Variants in LRIT2 observed in about 807,000 individuals in gnomAD.
LRIT2 encodes leucine rich repeat, Ig-like and transmembrane domains 2.
LRIT2 carries 23 observed loss-of-function variants against 22.4 expected under a neutral mutation model. The observed-to-expected ratio is 1.03, with a 90% CI of 0.74 to 1.45. The LOEUF (loss-of-function observed/expected upper bound fraction) is 1.45, where lower values mean the gene tolerates loss of function less well. Ranked by LOEUF, LRIT2 falls within the 40% of genes most tolerant of loss-of-function variation. LRIT2 has a pLI of 0.00. For synonymous variants in LRIT2, 291 were observed against 267.1 expected, an observed-to-expected ratio of 1.09 and a Z score of -0.87; for missense variants, 784 against 665.6, an observed-to-expected ratio of 1.18 and a Z score of -1.96.
rs956624811 is a variant in LRIT2, at chr10:84,222,527, G to A, written c.1046C>T (p.Ala349Val). The change falls in exon 3 of 3, where the codon GCC becomes GTC. Residue 349 changes from alanine (A) to valine (V), a missense_variant. Transcript: ENST00000372113. ...GGAAAGAGAATCAGGTGCATGTAGG[G>A]CCTGGGCAGGCTGGACATGGAGAGA... ...VISLHVQPAQALHAPDSLSIP... is the reference protein window; with the variant it reads ...VISLHVQPAQVLHAPDSLSIP... The A allele has an allele frequency of 1.2e-6, 2 of 1,614,042 alleles. No individual in the cohort carries two copies. Among genetic ancestry groups the A allele is most frequent in the Admixed American group, 1.7e-5 (1 of 60,012 alleles).
At chr10:84,223,807 G>C (rs1447392375) in intron 2 of LRIT2, among the ~76,000 whole-genome samples, 1 of 152,132 alleles carries the variant, frequency 6.6e-6, no homozygotes, top group African/African-American at 2.4e-5. Flanking sequence ...GCCCACAGAG[G>C]TCACTTCCTT....
In LRIT2 at chr10:84,224,850, G is replaced by A. The variant is rs1262647647; in HGVS notation, c.375C>T (p.Ala125=). The A allele has an allele frequency of 6.2e-7, 1 of 1,614,110 alleles. No individual in the cohort carries two copies. Among genetic ancestry groups the A allele is most frequent in the Admixed American group, 1.7e-5 (1 of 60,014 alleles). The stretch of plus-strand genomic sequence containing the variant: ...GATCCAAGACCCTCAGGAGAGGGGT[G>A]GCACGGAACGCTGTCCATGGTACTG... The part of the protein sequence containing the change: ...LCSVPWTAFR[A]TPLLRVLDLK... Residue 125 remains alanine (A), a synonymous_variant, in exon 2 of 3, where the codon GCC becomes GCT. Coordinates refer to ENST00000372113, the MANE Select transcript of LRIT2 (RefSeq NM_001017924.5).
chr10:84,222,393 A>G lies in LRIT2; in HGVS notation c.1180T>C (p.Phe394Leu). 1 of 1,613,972 alleles carries G rather than the reference A, an allele frequency of 6.2e-7. No homozygotes were observed. Among genetic ancestry groups the G allele is most frequent in the Non-Finnish European group, 8.5e-7 (1 of 1,179,996 alleles). Reference protein sequence around the residue: ...AVADTSKEEWFTLYIASDEAF... With the variant: ...AVADTSKEEWLTLYIASDEAF... ...TCATCCGATGCAATGTAGAGGGTGA[A>G]CCACTCCTCCTTAGAGGTGTCAGCC... Residue 394 changes from phenylalanine (F) to leucine (L), a missense_variant, in exon 3 of 3, where the codon TTC becomes CTC. Physicochemically the swap from Phe to Leu is conservative, Grantham distance 22. Coordinates refer to ENST00000372113, the MANE Select transcript of LRIT2 (RefSeq NM_001017924.5).
rs778621475 is a variant in LRIT2, at chr10:84,222,323, G to A, written c.1250C>T (p.Thr417Ile). Reference sequence around the variant, plus strand: ...AGGAAGGAGGTCATCCACAGCATAAGTATTGATTCCGGGGCCAATGTGAAC... The same window carrying A: ...AGGAAGGAGGTCATCCACAGCATAAATATTGATTCCGGGGCCAATGTGAAC... ...EVVHIGPGIN[T>I]YAVDDLLPGT... Residue 417 changes from threonine to isoleucine, a missense_variant, in exon 3 of 3, where the codon ACT (threonine) becomes ATT (isoleucine). By Grantham distance (89) the Thr-to-Ile change is moderately conservative. Coordinates refer to ENST00000372113, the MANE Select transcript of LRIT2 (RefSeq NM_001017924.5). The A allele has an allele frequency of 2.5e-6, 4 of 1,614,210 alleles. No individual in the cohort carries two copies. The highest frequency in any genetic ancestry group is 3.4e-6 in the Non-Finnish European group (4 of 1,180,046).
At position 84,224,376 on chromosome 10, in the gene LRIT2, G is replaced by A; in HGVS notation, c.849C>T (p.Ser283=). ...RCLAQASPSP[S]IAWTYPLSMW... is the part of the protein sequence containing the mutation. ...TACTCAGGGGATAAGTCCATGCAATGGATGGTGAGGGGCTGGCCTGTGCCA... is the reference window on the plus strand; with the variant it reads ...TACTCAGGGGATAAGTCCATGCAATAGATGGTGAGGGGCTGGCCTGTGCCA... Residue 283 remains serine (S), a synonymous_variant, in exon 2 of 3, where the codon TCC becomes TCT. Transcript: ENST00000372113. 2 of 1,614,150 alleles carry A rather than the reference G, an allele frequency of 1.2e-6. No individual in the cohort carries two copies. Among genetic ancestry groups the A allele is most frequent in the Non-Finnish European group, 1.7e-6 (2 of 1,180,030 alleles).
In LRIT2 at chr10:84,222,014, G is replaced by T. The variant is rs947932172; in HGVS notation, c.1559C>A (p.Ser520Tyr). The T allele has an allele frequency of 6.2e-7, 1 of 1,607,368 alleles. No homozygotes were observed. Among genetic ancestry groups the T allele is most frequent in the South Asian group, 1.1e-5 (1 of 90,146 alleles). Residue 520 changes from serine (S) to tyrosine (Y), a missense_variant, in exon 3 of 3, where the codon TCC (serine) becomes TAC (tyrosine). Coordinates refer to ENST00000372113, the MANE Select transcript of LRIT2 (RefSeq NM_001017924.5). ...TPAAPQSKDG[S>Y]FREHPAVCDD... ...ACAGACAGCTGGATGTTCTCTAAAG[G>T]AGCCATCCTTGGACTGCGGGGCTGC...
At chr10:84,223,188 G>T (rs1037555038) in intron 2 of LRIT2, among the ~76,000 whole-genome samples, 2 of 152,206 alleles carry the variant, frequency 1.3e-5, no homozygotes, top group Non-Finnish European at 2.9e-5. Flanking sequence ...CTCCTATCCA[G>T]TGTGGTACTG....
At position 84,224,448 on chromosome 10, in the gene LRIT2, A is replaced by T. The variant is rs1323725812; in HGVS notation, c.777T>A (p.Ser259Arg). The part of the protein sequence containing the change: ...ACMKPQISTP[S>R]ANITIRAGQN... ...GTCCTGCCCGGATGGTGATATTGGC[A>T]CTGGGGGTTGAGATCTGTGGCTTCA... The change falls in exon 2 of 3, where the codon AGT (serine) becomes AGA (arginine). Residue 259 changes from serine (S) to arginine (R), a missense_variant. Coordinates refer to ENST00000372113, the MANE Select transcript of LRIT2 (RefSeq NM_001017924.5). The T allele has an allele frequency of 6.2e-7, 1 of 1,614,234 alleles. No homozygotes were observed. The highest frequency in any genetic ancestry group is 8.5e-7 in the Non-Finnish European group (1 of 1,180,038).
chr10:84,221,973 G>GTT lies in LRIT2; in HGVS notation c.1599_1600insAA (p.His534AsnfsTer3). 6.4e-7 allele frequency: 1 copy of GTT among 1,570,428 alleles called. No homozygotes were observed. The highest frequency in any genetic ancestry group is 1.2e-5 in the South Asian group (1 of 84,578). On this transcript the variant is annotated frameshift_variant, in exon 3 of 3. Transcript: ENST00000372113. LOFTEE classifies it low-confidence loss of function (END_TRUNC). Reference sequence around the variant, plus strand: ...TCCTTGTCCCCCTCAGTGTCTATGTGCCCTTCACCGTCATCACAGACAGCT... The same window carrying GTT: ...TCCTTGTCCCCCTCAGTGTCTATGTGTTCCCTTCACCGTCATCACAGACAGCT...
At chr10:84,222,805 G>T in intron 2 of LRIT2, 125 bp from the exon 3 acceptor site, 1 of 1,156,376 alleles carries the variant, frequency 8.6e-7, no homozygotes, top group Non-Finnish European at 1.3e-6. Context: ...GAAGATGGTG[G>T]TAACCTCTTA....
rs990375069 is a variant in LRIT2 at position 84,221,915 on chromosome 10, G to A, written c.*5C>T. On this transcript the variant is annotated 3_prime_UTR_variant, in exon 3 of 3. Transcript: ENST00000372113. ...AAGCCGTTTCCACCCCATGGCCTGG[G>A]TTGTTCAGCTGTTGTCTTCCGTTCC... 1 of 1,519,960 alleles carries A rather than the reference G, an allele frequency of 6.6e-7. No individual in the cohort carries two copies. The highest frequency in any genetic ancestry group is 1.3e-5 in the South Asian group (1 of 76,174). The allele number at this position is 1,519,960 out of a possible 1,614,324, so 94.2% of individuals were successfully genotyped here. A position where few individuals can be genotyped will look rare whatever the true frequency, so the allele number is the denominator to read the frequency against.
At position 84,222,615 on chromosome 10, in the gene LRIT2, C is replaced by T; in HGVS notation, c.958G>A (p.Val320Ile). The change falls in exon 3 of 3, where the codon GTA becomes ATA. Residue 320 changes from valine to isoleucine, a missense_variant. Physicochemically the swap from Val to Ile is conservative, Grantham distance 29. Transcript: ENST00000372113. ...ATGCAGGTGTAATTACCACTGTCTA[C>T]CAGGTGGGCAGCAGGTATGGCCAGC... The part of the protein sequence containing the change: ...SELAIPAAHL[V>I]DSGNYTCMAS... The T allele has an allele frequency of 6.2e-7, 1 of 1,614,066 alleles. No homozygotes were observed. The highest frequency in any genetic ancestry group is 8.5e-7 in the Non-Finnish European group (1 of 1,180,026).
In LRIT2 at chr10:84,224,907, C is replaced by T. The variant is rs555587351; in HGVS notation, c.318G>A (p.Arg106=). 1.2e-6 allele frequency: 2 copies of T among 1,614,160 alleles called. No homozygotes were observed. The highest frequency in any genetic ancestry group is 1.3e-5 in the African/African-American group (1 of 75,020). ...GCTTGTTCCCCTCCAGTCTCAGCTCCCTCAGTTCTGGCAGGTGTTCCAGGG... is the reference window on the plus strand; with the variant it reads ...GCTTGTTCCCCTCCAGTCTCAGCTCTCTCAGTTCTGGCAGGTGTTCCAGGG... ...LGALEHLPEL[R]ELRLEGNKLC... is the part of the protein sequence containing the mutation. The change falls in exon 2 of 3, where the codon AGG becomes AGA. Residue 106 remains arginine (R), a synonymous_variant. Coordinates refer to ENST00000372113, the MANE Select transcript of LRIT2 (RefSeq NM_001017924.5).
At chr10:84,225,589 T>C, upstream of LRIT2, 1 of 1,538,082 alleles carries the variant, frequency 6.5e-7, no homozygotes, top group Non-Finnish European at 8.8e-7. Flanking sequence ...TGGCAAATCC[T>C]ATTATTGGTA....
In LRIT2 at chr10:84,222,328, G is replaced by C; in HGVS notation, c.1245C>G (p.Ile415Met). The stretch of plus-strand genomic sequence containing the variant: ...GGAGGTCATCCACAGCATAAGTATT[G>C]ATTCCGGGGCCAATGTGAACCACCT... The part of the protein sequence containing the change: ...RKEVVHIGPG[I>M]NTYAVDDLLP... The change falls in exon 3 of 3, where the codon ATC (isoleucine) becomes ATG (methionine). Residue 415 changes from isoleucine (I) to methionine (M), a missense_variant. By Grantham distance (10) the Ile-to-Met change is conservative. Transcript: ENST00000372113. 1 of 1,614,202 alleles carries C rather than the reference G, an allele frequency of 6.2e-7. No individual in the cohort carries two copies. Among genetic ancestry groups the C allele is most frequent in the South Asian group, 1.1e-5 (1 of 91,090 alleles).
Position 84,220,960 on chromosome 10 carries a change from C to G in LRIT2, c.*960G>C, listed in dbSNP as rs1240870405. On this transcript the variant is annotated 3_prime_UTR_variant, in exon 3 of 3. Coordinates refer to ENST00000372113, the MANE Select transcript of LRIT2 (RefSeq NM_001017924.5). ...GTGAATTAAATCCTGGGAATGGTCT[C>G]CCCTAGAAGGGCTGTTCAGTGGGAT... is the stretch of plus-strand genomic sequence containing the variant. 1 of 152,214 alleles carries G rather than the reference C, an allele frequency of 6.6e-6. No individual in the cohort carries two copies. The highest frequency in any genetic ancestry group is 2.4e-5 in the African/African-American group (1 of 41,450). The allele number at this position is 152,214 out of a possible 1,614,324, so 9.4% of individuals were successfully genotyped here. A position where few individuals can be genotyped will look rare whatever the true frequency, so the allele number is the denominator to read the frequency against.
chr10:84,224,872 ACTGAGCAGAG>A lies in LRIT2; in HGVS notation c.343_352del (p.Leu115TyrfsTer12). On this transcript the variant is annotated frameshift_variant, in exon 2 of 3. Coordinates refer to ENST00000372113, the MANE Select transcript of LRIT2 (RefSeq NM_001017924.5). LOFTEE classifies it high-confidence loss of function. ...GGTGGCACGGAACGCTGTCCATGGT[ACTGAGCAGAG>A]CTTGTTCCCCTCCAGTCTCAGCTCC... The A allele has an allele frequency of 6.2e-7, 1 of 1,614,162 alleles. No individual in the cohort carries two copies. The highest frequency in any genetic ancestry group is 8.5e-7 in the Non-Finnish European group (1 of 1,180,014).
At position 84,220,598 on chromosome 10, in the gene LRIT2, T is replaced by A. The variant is rs1032712964; in HGVS notation, c.*1322A>T. ...AAAATGAGAGCCATCTTCAATTTTT[T>A]AAAATTTATTGTTAACTAACATTGA... On this transcript the variant is annotated 3_prime_UTR_variant, in exon 3 of 3. Transcript: ENST00000372113. The A allele has an allele frequency of 9.9e-5, 15 of 152,178 alleles. No homozygotes were observed. The South Asian group carries it at 1.2e-3, about 13-fold the overall frequency. The allele number at this position is 152,178 out of a possible 1,614,324, so 9.4% of individuals were successfully genotyped here. A position where few individuals can be genotyped will look rare whatever the true frequency, so the allele number is the denominator to read the frequency against.
chr10:84,224,421 CTGT>C lies in LRIT2; in HGVS notation c.801_803del (p.Gln268del), dbSNP rs763890619. On this transcript the variant is annotated inframe_deletion, in exon 2 of 3. Transcript: ENST00000372113. Reference sequence around the variant, plus strand: ...GTGCCAAGCATCGCAGGGTCACATTCTGTCCTGCCCGGATGGTGATATTGGCAC... The same window carrying C: ...GTGCCAAGCATCGCAGGGTCACATTCCCTGCCCGGATGGTGATATTGGCAC... The C allele has an allele frequency of 2.5e-6, 4 of 1,614,288 alleles. No homozygotes were observed. Among genetic ancestry groups the C allele is most frequent in the Non-Finnish European group, 3.4e-6 (4 of 1,180,058 alleles).
Sources: gnomAD v4.1 joint callset for allele counts (sites outside exome capture counted in the v4.1 genomes callset) on GRCh38, gnomAD v4.1.1 for gene constraint, MANE v1.5 for transcripts, NCBI Gene and HGNC (gene_info 2026-07-23, HGNC 2026-07-21) for gene names.